Variants in FIG4 observed in about 807,000 individuals in gnomAD.
FIG4 encodes polyphosphoinositide phosphatase.
A neutral mutation model predicts 118.6 loss-of-function variants in FIG4; 112 were observed. That is an observed-to-expected ratio of 0.94 (90% confidence interval 0.81 to 1.11). The LOEUF is 1.11. Ranked by LOEUF, FIG4 falls within the 50% of genes least tolerant of loss-of-function variation. The pLI, the probability that FIG4 is intolerant of heterozygous loss-of-function variation, is 0.00. For synonymous variants in FIG4, 369 were observed against 381.2 expected, an observed-to-expected ratio of 0.97 and a Z score of 0.37; for missense variants, 969 against 1,111.7, an observed-to-expected ratio of 0.87 and a Z score of 1.83.
At chr6:109,822,758 G>T (rs1779038494) in intron 22 of FIG4, among the ~76,000 whole-genome samples, 1 of 139,924 alleles carries the variant, frequency 7.1e-6, no homozygotes, top group South Asian at 2.3e-4. Context: ...GGGGATGGTT[G>T]AAGTGTATAT....
At chr6:109,821,836 G>A (rs1387106145) in intron 22 of FIG4, among the ~76,000 whole-genome samples, 3 of 152,134 alleles carry the variant, frequency 2.0e-5, no homozygotes, top group African/African-American at 4.8e-5. Flanking sequence ...CAAACTGAGG[G>A]AAACTCTACA....
chr6:109,752,690 GTTT>G (rs910316279), intron 10 of FIG4, among the ~76,000 whole-genome samples: 20 of 151,910 alleles, frequency 1.3e-4, no homozygotes, highest in Non-Finnish European at 2.2e-4. Context: ...GGGGCTGTTT[GTTT>G]TTTTCTTGTA....
Position 109,791,577 on chromosome 6 carries a change from G to A in FIG4, c.2376+6G>A, listed in dbSNP as rs757561840. 1.9e-6 allele frequency: 3 copies of A among 1,613,426 alleles called. No individual in the cohort carries two copies. Among genetic ancestry groups the A allele is most frequent in the Non-Finnish European group, 2.5e-6 (3 of 1,179,714 alleles). On this transcript the variant is annotated splice_donor_region_variant and intron_variant, in intron 20 of 22. Coordinates refer to ENST00000230124, the MANE Select transcript of FIG4 (RefSeq NM_014845.6). ...ACAGTGCCAAAGTGACCGAGGTGCG[G>A]GGGAGGGAAGCCTGTGGCATCCAGC...
chr6:109,790,467 G>A (rs1338774897), intron 19 of FIG4, among the ~76,000 whole-genome samples: 7 of 152,174 alleles, frequency 4.6e-5, no homozygotes, highest in African/African-American at 1.4e-4. Context: ...GGAATTCAGG[G>A]AATTCCCAGA....
rs1021633181 is a variant in FIG4, at chr6:109,730,801, G to A, written c.447-1836G>A. ...CAAAGATAATTTTAAGAAAATAAAG[G>A]TAAATATTTTTATAATCCTGGTATG... On this transcript the variant is annotated intron_variant, in intron 4 of 22. Coordinates refer to ENST00000230124, the MANE Select transcript of FIG4 (RefSeq NM_014845.6). Among the ~76,000 whole-genome samples, 10 of 152,138 alleles carry A rather than the reference G, an allele frequency of 6.6e-5. No homozygotes were observed. The East Asian group carries it at 1.9e-3, about 29-fold the overall frequency.
intron 1 of FIG4, among the ~76,000 whole-genome samples, chr6:109,714,522 A>G (rs1040042388): frequency 1.4e-4 from 21 of 152,348 alleles, no homozygotes; most frequent in African/African-American, 4.6e-4. Context: ...GGAAAGAAAG[A>G]ATGATGATAA....
chr6:109,780,626 A>C (rs183926569), intron 16 of FIG4, among the ~76,000 whole-genome samples: 74 of 152,360 alleles, frequency 4.9e-4, no homozygotes, highest in African/African-American at 1.7e-3. Context: ...ATGTAATATT[A>C]ATAAAGACTT....
chr6:109,734,905 A>C (rs1562652561), intron 5 of FIG4, among the ~76,000 whole-genome samples: 1 of 152,194 alleles, frequency 6.6e-6, no homozygotes, highest in Admixed American at 6.5e-5. Context: ...CAAATAACGT[A>C]GGTTACTGAC....
intron 1 of FIG4, among the ~76,000 whole-genome samples, chr6:109,711,924 T>G (rs367690831): frequency 1.3e-5 from 2 of 152,216 alleles, no homozygotes; most frequent in African/African-American, 4.8e-5. Flanking sequence ...ATTTAGTGCT[T>G]CTTTCAGGAG....
chr6:109,811,444 T>G (rs1221715698), intron 22 of FIG4, among the ~76,000 whole-genome samples: 1 of 152,204 alleles, frequency 6.6e-6, no homozygotes, highest in African/African-American at 2.4e-5. Flanking sequence ...TAAAGGTCAT[T>G]TAAAGATTCT....
chr6:109,711,060 C>G (rs1185241702), intron 1 of FIG4, among the ~76,000 whole-genome samples: 1 of 152,026 alleles, frequency 6.6e-6, no homozygotes, highest in Non-Finnish European at 1.5e-5. Flanking sequence ...AAGTCTCCCT[C>G]TATTATTGTG....
chr6:109,776,835 T>A (rs759194337), intron 15 of FIG4, 87 bp from the exon 16 acceptor site: 9 of 1,063,918 alleles, frequency 8.5e-6, no homozygotes, highest in Non-Finnish European at 1.3e-5. Context: ...ATACTACTTT[T>A]GTACCACTAT....
intron 10 of FIG4, among the ~76,000 whole-genome samples, chr6:109,758,063 C>T (rs956081148): frequency 8.5e-5 from 13 of 152,124 alleles, no homozygotes; most frequent in African/African-American, 2.7e-4. Context: ...TCAGTGCTAT[C>T]CCCATCAAGC....
At chr6:109,781,536 G>A (rs1777802283) in intron 16 of FIG4, among the ~76,000 whole-genome samples, 1 of 151,818 alleles carries the variant, frequency 6.6e-6, no homozygotes, top group South Asian at 2.1e-4. Context: ...CCTTGTCCTG[G>A]ATGCTGTGTT....
At chr6:109,809,251 G>C (rs895129751) in intron 22 of FIG4, among the ~76,000 whole-genome samples, 11 of 152,160 alleles carry the variant, frequency 7.2e-5, no homozygotes, top group African/African-American at 2.7e-4. Flanking sequence ...TTCTGCAAAA[G>C]CAGATTTGAG....
chr6:109,733,285 C>A (rs1299987724), intron 5 of FIG4, among the ~76,000 whole-genome samples: 3 of 152,050 alleles, frequency 2.0e-5, no homozygotes, highest in Non-Finnish European at 4.4e-5. Flanking sequence ...CCAGGGACGT[C>A]CCAAATATTG....
At chr6:109,727,347 G>T in intron 4 of FIG4, 82 bp downstream of exon 4, 1 of 1,142,670 alleles carries the variant, frequency 8.8e-7, no homozygotes, top group South Asian at 1.2e-5. Flanking sequence ...GGAATATAAT[G>T]GCATGGTCAT....
At chr6:109,817,834 C>A (rs1451348107) in intron 22 of FIG4, among the ~76,000 whole-genome samples, 1 of 152,202 alleles carries the variant, frequency 6.6e-6, no homozygotes, top group African/African-American at 2.4e-5. Context: ...TGCTGGATTT[C>A]TTTACCTGTT....
intron 1 of FIG4, among the ~76,000 whole-genome samples, chr6:109,693,493 A>G (rs568900063): frequency 2.2e-4 from 34 of 152,308 alleles, no homozygotes; most frequent in African/African-American, 7.9e-4. Flanking sequence ...GACCCCTCTC[A>G]ACTGCCTAAG....
Sources: gnomAD v4.1 joint callset for allele counts (sites outside exome capture counted in the v4.1 genomes callset) on GRCh38, gnomAD v4.1.1 for gene constraint, MANE v1.5 for transcripts, NCBI Gene and HGNC (gene_info 2026-07-23, HGNC 2026-07-21) for gene names.